CCDC92B: variants seen among roughly 807,000 people sequenced by gnomAD.
The protein encoded by CCDC92B is coiled-coil domain containing 92B, also known as coiled-coil domain-containing 92B.
CCDC92B carries 2 observed loss-of-function variants against 5.6 expected under a neutral mutation model. The ratio of observed to expected loss-of-function variants is 0.36; its 90% CI spans 0.15 to 1.12. The LOEUF is 1.12. Ranked by LOEUF, CCDC92B falls within the 50% of genes most tolerant of loss-of-function variation. The pLI is 0.40. For missense variants in CCDC92B, 271 were observed against 262.2 expected (o/e 1.03, Z -0.23); for synonymous variants, 115 against 122.3 (o/e 0.94, Z 0.39).
chr17:2,741,595 C>CT (rs61510422), intron 1 of CCDC92B, among the ~76,000 whole-genome samples: 43,774 of 134,460 alleles, frequency 0.33, 9,338 homozygotes, highest in Non-Finnish European at 0.48. Context: ...AGGAGAATCT[C>CT]TTTTTTTTTT....
chr17:2,724,849 G>T lies in CCDC92B; in HGVS notation c.330C>A (p.Arg110=). 1.0e-6 allele frequency: 1 copy of T among 985,174 alleles called. No individual in the cohort carries two copies. The highest frequency in any genetic ancestry group is 1.2e-6 in the Non-Finnish European group (1 of 829,832). 61.0% of individuals were successfully genotyped at this position (985,174 alleles called of 1,614,324 possible). Residue 110 remains arginine (R), a synonymous_variant, in exon 4 of 4, where the codon CGC becomes CGA. Transcript: ENST00000614400. This position sits in a 1 kb window ranked among gnomAD's most constrained non-coding sequence, Gnocchi z 5.0. ...ALRCSLRTEE[R]RFLEELRRRS... ...GGCGGCGCAGCTCCTCCAGGAAGCG[G>T]CGCTCCTCGGTGCGCAGGCTGCAGC...
At chr17:2,744,159 A>T (rs1306311880) in intron 1 of CCDC92B, among the ~76,000 whole-genome samples, 1 of 151,988 alleles carries the variant, frequency 6.6e-6, no homozygotes, top group Non-Finnish European at 1.5e-5. Flanking sequence ...TACAGGTGTG[A>T]GCCACGGCGC....
intron 1 of CCDC92B, among the ~76,000 whole-genome samples, chr17:2,743,564 C>T (rs538725861): frequency 6.6e-6 from 1 of 152,372 alleles, no homozygotes; most frequent in Non-Finnish European, 1.5e-5. Flanking sequence ...TTCCCTGGCT[C>T]CCTCTGTCCT....
At chr17:2,739,160 G>A (rs1470777647) in intron 1 of CCDC92B, among the ~76,000 whole-genome samples, 1 of 151,432 alleles carries the variant, frequency 6.6e-6, no homozygotes, top group African/African-American at 2.4e-5. Context: ...GAGGTCAGGA[G>A]ATCGAGACCA....
intron 2 of CCDC92B, among the ~76,000 whole-genome samples, chr17:2,734,447 A>AG (rs2070835212): frequency 6.6e-6 from 1 of 150,994 alleles, no homozygotes; most frequent in Non-Finnish European, 1.5e-5. Context: ...AAAGGATGGG[A>AG]ACCTCCAGGA....
At chr17:2,727,631 C>A (rs1005547314) in intron 3 of CCDC92B, among the ~76,000 whole-genome samples, 2 of 151,984 alleles carry the variant, frequency 1.3e-5, no homozygotes, top group African/African-American at 2.4e-5. Context: ...CGAGACCAGC[C>A]TGGCCAGCAT....
At position 2,735,180 on chromosome 17, in the gene CCDC92B, G is replaced by T; in HGVS notation, c.-23-12C>A. The stretch of plus-strand genomic sequence containing the variant: ...GGCCTGGGCCCCACCTAGGGAGGAC[G>T]ACAAGGTGAACCCACCTCTTCTGAG... On this transcript the variant is annotated splice_polypyrimidine_tract_variant and intron_variant, in intron 1 of 3. Coordinates refer to ENST00000614400, the MANE Select transcript of CCDC92B (RefSeq NM_001355573.2). 1.0e-6 allele frequency: 1 copy of T among 985,618 alleles called. No individual in the cohort carries two copies. The highest frequency in any genetic ancestry group is 1.2e-6 in the Non-Finnish European group (1 of 830,042). 61.1% of individuals were successfully genotyped at this position (985,618 alleles called of 1,614,324 possible). A position where few individuals can be genotyped will look rare whatever the true frequency, so the allele number is the denominator to read the frequency against.
intron 1 of CCDC92B, among the ~76,000 whole-genome samples, chr17:2,736,883 AAAATAAATAAAT>A (rs71377535): frequency 1.4e-5 from 2 of 145,896 alleles, no homozygotes; most frequent in African/African-American, 2.6e-5. Flanking sequence ...TCTGTCTCAA[AAAATAAATAAAT>A]AAATAAATAA....
At chr17:2,746,390 C>G (rs1376566828) in intron 1 of CCDC92B, among the ~76,000 whole-genome samples, 1 of 152,184 alleles carries the variant, frequency 6.6e-6, no homozygotes, top group Admixed American at 6.5e-5. Flanking sequence ...GGATTAATTC[C>G]AAGTACTTTT....
In CCDC92B at chr17:2,724,250, A is replaced by G. The variant is rs2070696225; in HGVS notation, c.*161T>C. ...CTTTGGAAACGTCGGGAAGTACAAA[A>G]GGCTGGCGGTTCGGGGATTTGGGGG... On this transcript the variant is annotated 3_prime_UTR_variant, in exon 4 of 4. Transcript: ENST00000614400. This position sits in a 1 kb window ranked among gnomAD's most constrained non-coding sequence, Gnocchi z 5.0. 1.0e-6 allele frequency: 1 copy of G among 985,178 alleles called. No individual in the cohort carries two copies. The highest frequency in any genetic ancestry group is 1.7e-5 in the African/African-American group (1 of 57,318). 61.0% of individuals were successfully genotyped at this position (985,178 alleles called of 1,614,324 possible). A position where few individuals can be genotyped will look rare whatever the true frequency, so the allele number is the denominator to read the frequency against.
intron 3 of CCDC92B, among the ~76,000 whole-genome samples, chr17:2,728,421 C>A (rs1246952083): frequency 2.0e-5 from 3 of 151,672 alleles, no homozygotes; most frequent in Admixed American, 6.6e-5. Flanking sequence ...TCCTGGCTAA[C>A]ACGGTGAAAC....
chr17:2,733,081 A>T (rs959572147), intron 2 of CCDC92B, among the ~76,000 whole-genome samples: 1 of 150,466 alleles, frequency 6.6e-6, no homozygotes, highest in Non-Finnish European at 1.5e-5. Flanking sequence ...AAAAAAACCA[A>T]GGGGTTTCAG....
intron 1 of CCDC92B, among the ~76,000 whole-genome samples, chr17:2,747,046 C>A (rs1336120097): frequency 2.0e-5 from 3 of 152,156 alleles, no homozygotes; most frequent in Non-Finnish European, 1.5e-5. Flanking sequence ...CTTCCCCACA[C>A]CCTTTTTGTC....
At chr17:2,732,886 G>A (rs1457262597) in intron 2 of CCDC92B, among the ~76,000 whole-genome samples, 5 of 150,466 alleles carry the variant, frequency 3.3e-5, no homozygotes, top group East Asian at 2.0e-4. Flanking sequence ...GTTGGCAGGC[G>A]CCTGTAGTCC....
intron 1 of CCDC92B, among the ~76,000 whole-genome samples, chr17:2,736,597 T>C (rs2070860227): frequency 6.6e-6 from 1 of 150,720 alleles, no homozygotes; most frequent in Admixed American, 6.7e-5. Context: ...TATATATCCA[T>C]AGGCCGGACT....
At position 2,723,926 on chromosome 17, in the gene CCDC92B, C is replaced by G; in HGVS notation, c.*485G>C. ...GACCAGCCCCTAGCCTGGGCCTCTC[C>G]TGGGGAGGAAGAAGGCTTGGCGGGA... On this transcript the variant is annotated 3_prime_UTR_variant, in exon 4 of 4. Transcript: ENST00000614400. 1.1e-6 allele frequency: 1 copy of G among 948,808 alleles called. No homozygotes were observed. Among genetic ancestry groups the G allele is most frequent in the Non-Finnish European group, 1.2e-6 (1 of 820,840 alleles). The allele number at this position is 948,808 out of a possible 1,614,324, so 58.8% of individuals were successfully genotyped here. A position where few individuals can be genotyped will look rare whatever the true frequency, so the allele number is the denominator to read the frequency against.
At chr17:2,734,517 T>G (rs1263240976) in intron 2 of CCDC92B, among the ~76,000 whole-genome samples, 2 of 147,066 alleles carry the variant, frequency 1.4e-5, no homozygotes, top group African/African-American at 5.1e-5. Flanking sequence ...TGAGACAGAG[T>G]CTTGCTCTGT....
At chr17:2,726,912 CCTT>C (rs1190406364) in intron 3 of CCDC92B, among the ~76,000 whole-genome samples, 1 of 147,564 alleles carries the variant, frequency 6.8e-6, no homozygotes, top group Non-Finnish European at 1.5e-5. Context: ...CACGCCCAGC[CCTT>C]TTTTTTTTTT....
At position 2,727,644 on chromosome 17, in the gene CCDC92B, C is replaced by T. The variant is rs185520807; in HGVS notation, c.179-2644G>A. ...TTCGAGACCAGCCTGGCCAGCATGGCGAAACCCCGTCTCTACTAAAAATAC... is the reference window on the plus strand; with the variant it reads ...TTCGAGACCAGCCTGGCCAGCATGGTGAAACCCCGTCTCTACTAAAAATAC... On this transcript the variant is annotated intron_variant, in intron 3 of 3. Coordinates refer to ENST00000614400, the MANE Select transcript of CCDC92B (RefSeq NM_001355573.2). 2.3e-3 allele frequency among the ~76,000 whole-genome samples: 350 copies of T among 151,902 alleles called. 8 individuals carry two copies. The highest frequency in any genetic ancestry group is 0.017 in the East Asian group (86 of 5,136).
Sources: gnomAD v4.1 joint callset for allele counts (sites outside exome capture counted in the v4.1 genomes callset) on GRCh38, gnomAD v4.1.1 for gene constraint, Gnocchi (gnomAD v3.1) non-coding constraint, MANE v1.5 for transcripts, NCBI Gene and HGNC (gene_info 2026-07-23, HGNC 2026-07-21) for gene names.